The following ZFAT variants were observed in gnomAD, a reference collection of about 807,000 sequenced individuals.
ZFAT encodes the protein zinc finger and AT-hook domain containing, also known as zinc finger protein ZFAT.
In ZFAT, 64 loss-of-function variants were observed where a neutral mutation model predicts 117.7. The observed-to-expected ratio is 0.54, with a 90% CI of 0.44 to 0.67. The LOEUF (loss-of-function observed/expected upper bound fraction) is 0.67. Among genes scored for constraint, ZFAT ranks in the 30% least tolerant of loss-of-function variants. The pLI is 0.00. For missense variants in ZFAT, 1,433 were observed against 1,584.5 expected (o/e 0.90, Z 1.62); for synonymous variants, 679 against 615.0 (o/e 1.10, Z -1.54).
chr8:134,639,352 G>A (rs1005207907), intron 2 of ZFAT, among the ~76,000 whole-genome samples: 3 of 152,216 alleles, frequency 2.0e-5, no homozygotes, highest in Non-Finnish European at 2.9e-5. Flanking sequence ...AAACTGCAAC[G>A]CCACTGGTGA....
chr8:134,625,113 T>C (rs1829407666), intron 3 of ZFAT, among the ~76,000 whole-genome samples: 1 of 152,254 alleles, frequency 6.6e-6, no homozygotes, highest in Non-Finnish European at 1.5e-5. Context: ...ACCTGCTGAA[T>C]GTGCTCTTCC....
chr8:134,576,241 T>C (rs2130816547), intron 10 of ZFAT, among the ~76,000 whole-genome samples: 1 of 152,378 alleles, frequency 6.6e-6, no homozygotes, highest in East Asian at 1.9e-4. Flanking sequence ...TTTTATAGTA[T>C]GGGCCCACTT....
intron 1 of ZFAT, among the ~76,000 whole-genome samples, chr8:134,689,047 G>A (rs1019018982): frequency 6.6e-6 from 1 of 152,168 alleles, no homozygotes; most frequent in African/African-American, 2.4e-5. Context: ...TAGAAGGCAG[G>A]CAGGATTCAA....
chr8:134,548,632 T>C (rs1389821672), intron 11 of ZFAT, among the ~76,000 whole-genome samples: 2 of 152,214 alleles, frequency 1.3e-5, no homozygotes, highest in African/African-American at 4.8e-5. Context: ...TCACAAAATG[T>C]AAGTGCTGGC....
At chr8:134,784,214 C>G in the ZFAT span, 3 of 152,184 alleles carry the variant, frequency 2.0e-5, no homozygotes, top group African/African-American at 7.2e-5. Context: ...ACGTTAAAAA[C>G]GTTCTTAGTT....
At chr8:134,502,814 G>A (rs978713371) in intron 15 of ZFAT, among the ~76,000 whole-genome samples, 4 of 152,232 alleles carry the variant, frequency 2.6e-5, no homozygotes, top group Non-Finnish European at 4.4e-5. Context: ...GCCCGGCTAA[G>A]GGCCTTCATG....
At chr8:134,704,406 C>T (rs1272287791) in intron 1 of ZFAT, among the ~76,000 whole-genome samples, 1 of 152,174 alleles carries the variant, frequency 6.6e-6, no homozygotes, top group Non-Finnish European at 1.5e-5. Flanking sequence ...TAGAAACAAA[C>T]ATGGATGGAA....
At chr8:134,592,963 G>C (rs1252698592) in intron 7 of ZFAT, among the ~76,000 whole-genome samples, 29 of 152,212 alleles carry the variant, frequency 1.9e-4, no homozygotes, top group Non-Finnish European at 4.4e-5. Flanking sequence ...CACCACTTAA[G>C]AAACTGTCCT....
chr8:134,657,764 T>C, intron 1 of ZFAT, 27 bp from the exon 2 acceptor site: 1 of 1,604,340 alleles, frequency 6.2e-7, no homozygotes, highest in Non-Finnish European at 8.5e-7. Flanking sequence ...GGAAAATATG[T>C]TATTTCATCT....
chr8:134,507,025 A>G (rs1048432102), intron 15 of ZFAT, among the ~76,000 whole-genome samples: 1 of 152,196 alleles, frequency 6.6e-6, no homozygotes, highest in African/African-American at 2.4e-5. Flanking sequence ...AGCAACTACT[A>G]TGTGTGATGT....
the ZFAT span, among the ~76,000 whole-genome samples, chr8:134,753,088 T>A: frequency 2.0e-5 from 3 of 152,186 alleles, no homozygotes; most frequent in East Asian, 5.8e-4. Context: ...AACTACCTAT[T>A]TTTTCAGGAG....
At chr8:134,782,380 A>G in the ZFAT span, among the ~76,000 whole-genome samples, 1 of 152,364 alleles carries the variant, frequency 6.6e-6, no homozygotes, top group African/African-American at 2.4e-5. Context: ...TAAATCTGCC[A>G]GCACTAAAAT....
the ZFAT span, among the ~76,000 whole-genome samples, chr8:134,727,437 C>A: frequency 6.6e-6 from 1 of 152,184 alleles, no homozygotes; most frequent in African/African-American, 2.4e-5. Flanking sequence ...GCTGTCTCCT[C>A]TATCTGCCTT....
At position 134,608,851 on chromosome 8, in the gene ZFAT, A is replaced by G; in HGVS notation, c.663T>C (p.Ala221=). The G allele has an allele frequency of 6.2e-7, 1 of 1,609,918 alleles. No individual in the cohort carries two copies. Among genetic ancestry groups the G allele is most frequent in the Non-Finnish European group, 8.5e-7 (1 of 1,178,562 alleles). The part of the protein sequence containing the change: ...PGATKIVPVE[A]GPPETGATNS... ...TTGTAGCTCCTGTTTCAGGGGGCCC[A>G]GCCTCCACTGGCACAATCTTGGTAG... Residue 221 remains alanine, a synonymous_variant, in exon 5 of 16, where the codon GCT becomes GCC. Transcript: ENST00000377838.
At chr8:134,667,162 A>G (rs1832268143) in intron 1 of ZFAT, among the ~76,000 whole-genome samples, 1 of 152,222 alleles carries the variant, frequency 6.6e-6, no homozygotes, top group Non-Finnish European at 1.5e-5. Flanking sequence ...AAAGGAGAGC[A>G]TTAGGACAAA....
chr8:134,751,398 C>A, the ZFAT span, among the ~76,000 whole-genome samples: 1 of 152,102 alleles, frequency 6.6e-6, no homozygotes, highest in Non-Finnish European at 1.5e-5. Context: ...ATCAGGACAC[C>A]AGTCGGGATA....
chr8:134,500,515 T>A (rs1563778755), intron 15 of ZFAT, among the ~76,000 whole-genome samples: 1 of 152,342 alleles, frequency 6.6e-6, no homozygotes, highest in South Asian at 2.1e-4. Context: ...AGATATATCA[T>A]GGGGCCTATT....
chr8:134,712,161 G>A (rs1260660377), intron 1 of ZFAT, among the ~76,000 whole-genome samples: 1 of 152,192 alleles, frequency 6.6e-6, no homozygotes, highest in Non-Finnish European at 1.5e-5. Context: ...CCAAGTTGGA[G>A]GAAGTTAATT....
intron 1 of ZFAT, among the ~76,000 whole-genome samples, chr8:134,698,942 T>A (rs1833943594): frequency 6.6e-6 from 1 of 152,212 alleles, no homozygotes; most frequent in Non-Finnish European, 1.5e-5. Context: ...AAGTACAGAA[T>A]GTTTTTCTTG....
Sources: allele counts gnomAD v4.1 joint callset (sites outside exome capture counted in the v4.1 genomes callset), GRCh38; gene constraint gnomAD v4.1.1; transcripts MANE v1.5; gene names NCBI Gene and HGNC (gene_info 2026-07-23, HGNC 2026-07-21).